The following MED12L variants were observed in gnomAD, a reference collection of about 807,000 sequenced individuals.
MED12L encodes mediator of RNA polymerase II transcription subunit 12-like protein.
A neutral mutation model predicts 281.3 loss-of-function variants in MED12L; 60 were observed. The ratio of observed to expected loss-of-function variants is 0.21; its 90% CI spans 0.17 to 0.26. The LOEUF (loss-of-function observed/expected upper bound fraction) is 0.26. Ranked by LOEUF, MED12L falls within the 10% of genes least tolerant of loss-of-function variation. The pLI, the probability that MED12L is intolerant of heterozygous loss-of-function variation, is 1.00. For missense variants in MED12L, 2,146 were observed against 2,680.9 expected (o/e 0.80, Z 4.41); for synonymous variants, 974 against 987.2 (o/e 0.99, Z 0.25).
chr3:151,163,133 C>T (rs1720216245), intron 8 of MED12L, among the ~76,000 whole-genome samples: 1 of 152,086 alleles, frequency 6.6e-6, no homozygotes, highest in African/African-American at 2.4e-5. Context: ...GCTCATAGTC[C>T]TCTTTGGTAA....
At chr3:151,260,198 GAA>G (rs1461970138) in intron 16 of MED12L, among the ~76,000 whole-genome samples, 1 of 152,122 alleles carries the variant, frequency 6.6e-6, no homozygotes, top group Non-Finnish European at 1.5e-5. Flanking sequence ...TAAAAATAAA[GAA>G]AAGAGCCGCA....
In MED12L at chr3:151,434,714, T is replaced by C. The variant is rs538137058; in HGVS notation, c.*1910T>C. The C allele has an allele frequency of 7.6e-4, 116 of 152,386 alleles. No individual in the cohort carries two copies. Among genetic ancestry groups the C allele is most frequent in the African/African-American group, 2.7e-3 (111 of 41,602 alleles). 9.4% of individuals were successfully genotyped at this position (152,386 alleles called of 1,614,324 possible). A position where few individuals can be genotyped will look rare whatever the true frequency, so the allele number is the denominator to read the frequency against. On this transcript the variant is annotated 3_prime_UTR_variant, in exon 45 of 45. Coordinates refer to ENST00000687756, the MANE Select transcript of MED12L (RefSeq NM_001393769.1). Reference sequence around the variant, plus strand: ...GTGAGTCATGTTCCATCATTATTTCTTTCCAAATTTCTTTGCCAGTTCAGT... The same window carrying C: ...GTGAGTCATGTTCCATCATTATTTCCTTCCAAATTTCTTTGCCAGTTCAGT...
chr3:151,234,872 C>G (rs1559914371), intron 16 of MED12L, among the ~76,000 whole-genome samples: 1 of 152,196 alleles, frequency 6.6e-6, no homozygotes, highest in Non-Finnish European at 1.5e-5. Context: ...TAGCAGAAGC[C>G]TATCCTCAGC....
chr3:151,346,158 CT>C (rs1477919366), intron 16 of MED12L, among the ~76,000 whole-genome samples: 1 of 152,074 alleles, frequency 6.6e-6, no homozygotes, highest in Non-Finnish European at 1.5e-5. Context: ...CTCAAAATGT[CT>C]TTTTATTTTC....
At chr3:151,086,604 A>C in intron 1 of MED12L, 194 bp from the exon 2 acceptor site, 1 of 220,030 alleles carries the variant, frequency 4.5e-6, no homozygotes, top group Non-Finnish European at 8.9e-6. Context: ...CCTGGAGACA[A>C]GGTAGGGGGG....
chr3:151,130,819 A>G (rs1715283186), intron 5 of MED12L, among the ~76,000 whole-genome samples: 1 of 152,044 alleles, frequency 6.6e-6, no homozygotes. Context: ...ATTTTTCTTC[A>G]TTGTTCTTAA....
rs1719347251 is a variant in MED12L, at chr3:151,430,400, A to T, written c.6490+20A>T. 6.2e-7 allele frequency: 1 copy of T among 1,613,574 alleles called. No individual in the cohort carries two copies. Among genetic ancestry groups the T allele is most frequent in the Non-Finnish European group, 8.5e-7 (1 of 1,179,552 alleles). ...TTTCCAGTAAGTACCCCTGTGTGTCATGGAACAGACAGCTCCCGGAAAATT... is the reference window on the plus strand; with the variant it reads ...TTTCCAGTAAGTACCCCTGTGTGTCTTGGAACAGACAGCTCCCGGAAAATT... On this transcript the variant is annotated intron_variant, in intron 44 of 44. Transcript: ENST00000687756.
rs111921845 is a variant in MED12L at position 151,333,442 on chromosome 3, C to A, written c.2251-16617C>A. Among the ~76,000 whole-genome samples, 247 of 152,274 alleles carry A rather than the reference C, an allele frequency of 1.6e-3. 1 individual carries two copies. Among genetic ancestry groups the A allele is most frequent in the African/African-American group, 5.0e-3 (206 of 41,552 alleles). On this transcript the variant is annotated intron_variant, in intron 16 of 44. Transcript: ENST00000687756. ...GACTTTTAAGTAATAGCCATTTTAA[C>A]TGGTGTGAGATGATGTCTCATTGTG... is the stretch of plus-strand genomic sequence containing the variant.
At chr3:151,300,674 A>G (rs1187234042) in intron 16 of MED12L, among the ~76,000 whole-genome samples, 1 of 152,200 alleles carries the variant, frequency 6.6e-6, no homozygotes, top group African/African-American at 2.4e-5. Flanking sequence ...ATGAAATAAA[A>G]CCATGTGAGA....
At chr3:151,273,761 G>A (rs1741404443) in intron 16 of MED12L, among the ~76,000 whole-genome samples, 1 of 152,064 alleles carries the variant, frequency 6.6e-6, no homozygotes, top group Non-Finnish European at 1.5e-5. Flanking sequence ...GTACACATAG[G>A]GACTGGTTGT....
At chr3:151,384,474 A>C (rs1029806490) in intron 35 of MED12L, among the ~76,000 whole-genome samples, 2 of 152,238 alleles carry the variant, frequency 1.3e-5, no homozygotes, top group African/African-American at 4.8e-5. Context: ...CCACTGTTAA[A>C]TATATAACCA....
chr3:151,319,460 TGTGTGTGC>T (rs869114129), intron 16 of MED12L, among the ~76,000 whole-genome samples: 1,619 of 96,472 alleles, frequency 0.017, 40 homozygotes, highest in African/African-American at 0.059. Flanking sequence ...GGTGTGTGTG[TGTGTGTGC>T]GTGTGTGTGT....
intron 16 of MED12L, among the ~76,000 whole-genome samples, chr3:151,201,157 T>C (rs1725511254): frequency 6.6e-6 from 1 of 152,214 alleles, no homozygotes; most frequent in Non-Finnish European, 1.5e-5. Context: ...TTTACCAAAA[T>C]ACTAAGAATA....
At chr3:151,267,059 A>C (rs572416514) in intron 16 of MED12L, among the ~76,000 whole-genome samples, 69 of 152,334 alleles carry the variant, frequency 4.5e-4, no homozygotes, top group Middle Eastern at 6.8e-3. Flanking sequence ...CTAATTTAAA[A>C]TTGTCTGGGC....
intron 11 of MED12L, among the ~76,000 whole-genome samples, chr3:151,170,646 T>A (rs1459385718): frequency 6.6e-6 from 1 of 152,174 alleles, no homozygotes; most frequent in Admixed American, 6.5e-5. Flanking sequence ...ACTGTTTCTG[T>A]GTCTGGGCTT....
At chr3:151,157,970 C>T (rs968179268) in intron 6 of MED12L, among the ~76,000 whole-genome samples, 9 of 152,080 alleles carry the variant, frequency 5.9e-5, no homozygotes, top group African/African-American at 2.2e-4. Context: ...CATAGAATGT[C>T]ATAAAATAAT....
chr3:151,126,048 CTTTTTT>C (rs34482366), intron 4 of MED12L, among the ~76,000 whole-genome samples: 2 of 130,770 alleles, frequency 1.5e-5, no homozygotes, highest in Middle Eastern at 4.0e-3. Flanking sequence ...ACTGCATCCT[CTTTTTT>C]TTTTTTTTTT....
At chr3:151,328,261 A>G (rs1577341928) in intron 16 of MED12L, 1 of 1,614,048 alleles carries the variant, frequency 6.2e-7, no homozygotes, top group Non-Finnish European at 8.5e-7. Context: ...CAAAACACAC[A>G]AAGAAGACAG....
chr3:151,327,507 A>G (rs1388627), intron 16 of MED12L: 30,422 of 151,964 alleles, frequency 0.2, 3,385 homozygotes, highest in South Asian at 0.33. Flanking sequence ...CAGACTCTTC[A>G]AGTCTGCATC....
Sources: allele counts gnomAD v4.1 joint callset (sites outside exome capture counted in the v4.1 genomes callset), GRCh38; gene constraint gnomAD v4.1.1; transcripts MANE v1.5; gene names NCBI Gene and HGNC (gene_info 2026-07-23, HGNC 2026-07-21).